The following ALDH1L1 variants were observed in gnomAD, a reference collection of about 807,000 sequenced individuals.
ALDH1L1 encodes the protein aldehyde dehydrogenase 1 family member L1, also known as cytosolic 10-formyltetrahydrofolate dehydrogenase.
In ALDH1L1, 68 loss-of-function variants were observed where a neutral mutation model predicts 101.1. The observed-to-expected ratio is 0.67, with a 90% CI of 0.55 to 0.82. The LOEUF (loss-of-function observed/expected upper bound fraction) is 0.82, where lower values mean the gene tolerates loss of function less well. ALDH1L1 is among the 40% of genes least tolerant of loss of function. The pLI, the probability that ALDH1L1 is intolerant of heterozygous loss-of-function variation, is 0.00. For missense variants in ALDH1L1, 1,087 were observed against 1,172.7 expected (o/e 0.93, Z 1.07); for synonymous variants, 486 against 470.8 (o/e 1.03, Z -0.42).
chr3:126,160,843 G>A lies in ALDH1L1; in HGVS notation c.127+10C>T. 6.2e-7 allele frequency: 1 copy of A among 1,613,092 alleles called. No individual in the cohort carries two copies. Among genetic ancestry groups the A allele is most frequent in the Non-Finnish European group, 8.5e-7 (1 of 1,179,378 alleles). On this transcript the variant is annotated intron_variant, in intron 2 of 22. Transcript: ENST00000393434. ...CTCCATCAGCTTCCCTGCTCCATTGGCTCACTCACCCAGGGGGTCGGCCTT... is the reference window on the plus strand; with the variant it reads ...CTCCATCAGCTTCCCTGCTCCATTGACTCACTCACCCAGGGGGTCGGCCTT...
intron 20 of ALDH1L1, among the ~76,000 whole-genome samples, chr3:126,109,157 C>A (rs1171668521): frequency 6.6e-6 from 1 of 152,192 alleles, no homozygotes; most frequent in Non-Finnish European, 1.5e-5. Flanking sequence ...CTCCTTCATG[C>A]CATCAAATTA....
chr3:126,130,392 A>G, intron 13 of ALDH1L1, 99 bp from the exon 14 acceptor site: 1 of 1,165,612 alleles, frequency 8.6e-7, no homozygotes, highest in Non-Finnish European at 1.2e-6. Context: ...AGGAAGTCAA[A>G]GCGACCAGCT....
intron 8 of ALDH1L1, 106 bp downstream of exon 8, chr3:126,150,300 C>T (rs1237927732): frequency 1.6e-5 from 24 of 1,461,002 alleles, no homozygotes; most frequent in Non-Finnish European, 2.2e-5. Flanking sequence ...AAAACAGACA[C>T]CCACAGAGGG....
Position 126,114,675 on chromosome 3 carries a change from TG to T in ALDH1L1, c.1983-20del. ...GGCACAGCTGCAAGGAACAGAGGGC[TG>T]GTGGGGCCGGTCCCTCCAGGGCAGG... On this transcript the variant is annotated intron_variant, in intron 17 of 22. Coordinates refer to ENST00000393434, the MANE Select transcript of ALDH1L1 (RefSeq NM_012190.4). 6.5e-7 allele frequency: 1 copy of T among 1,547,200 alleles called. No homozygotes were observed. The highest frequency in any genetic ancestry group is 8.7e-7 in the Non-Finnish European group (1 of 1,145,138).
At position 126,114,614 on chromosome 3, in the gene ALDH1L1, G is replaced by C. The variant is rs374944589; in HGVS notation, c.2025C>G (p.Gly675=). The change falls in exon 18 of 23, where the codon GGC becomes GGG. Residue 675 remains glycine (G), a synonymous_variant. Coordinates refer to ENST00000393434, the MANE Select transcript of ALDH1L1 (RefSeq NM_012190.4). ...SNVKKVSLEL[G]GKSPLIIFAD... ...CAAAGATGATGAGGGGTGACTTCCC[G>C]CCCAGTTCCAGGGACACCTTCTTCA... is the stretch of plus-strand genomic sequence containing the variant. 1 of 1,515,314 alleles carries C rather than the reference G, an allele frequency of 6.6e-7. No homozygotes were observed. The highest frequency in any genetic ancestry group is 8.8e-7 in the Non-Finnish European group (1 of 1,131,380). The allele number at this position is 1,515,314 out of a possible 1,614,324, so 93.9% of individuals were successfully genotyped here. A position where few individuals can be genotyped will look rare whatever the true frequency, so the allele number is the denominator to read the frequency against.
chr3:126,113,393 G>A, intron 18 of ALDH1L1, among the ~76,000 whole-genome samples: 1 of 152,176 alleles, frequency 6.6e-6, no homozygotes, highest in Admixed American at 6.5e-5. Flanking sequence ...GGGCAGCCCT[G>A]GCCCAGGGAA....
chr3:126,153,332 G>A (rs2080842099), intron 7 of ALDH1L1, 112 bp downstream of exon 7: 1 of 1,543,370 alleles, frequency 6.5e-7, no homozygotes, highest in Non-Finnish European at 8.8e-7. Flanking sequence ...TCCTGGGTCT[G>A]GTTTTTTCCA....
chr3:126,136,823 C>A lies in ALDH1L1; in HGVS notation c.1285G>T (p.Glu429Ter), dbSNP rs767602691. The stretch of plus-strand genomic sequence containing the variant: ...TTGGCGCCCTCGGCATCCACGAACT[C>A]CCCCCCAATGAAGAGCTGGTGGGGC... ...RMPHQLFIGGEFVDAEGAKTS... is the reference protein window; with the variant it reads ...RMPHQLFIGG Residue 429 changes from glutamate (E) to a stop codon, truncating the protein, a stop_gained, in exon 11 of 23, where the codon GAG becomes TAG. Coordinates refer to ENST00000393434, the MANE Select transcript of ALDH1L1 (RefSeq NM_012190.4). LOFTEE classifies it high-confidence loss of function. The A allele has an allele frequency of 8.7e-6, 14 of 1,608,000 alleles. No individual in the cohort carries two copies. The highest frequency in any genetic ancestry group is 1.3e-5 in the African/African-American group (1 of 74,790).
intron 1 of ALDH1L1, among the ~76,000 whole-genome samples, chr3:126,189,040 C>T (rs2081537321): frequency 6.6e-6 from 1 of 152,136 alleles, no homozygotes; most frequent in Non-Finnish European, 1.5e-5. Context: ...GCTGATAAGC[C>T]ATCTCGCATC....
At chr3:126,180,402 A>C (rs934746004) in intron 1 of ALDH1L1, 74 bp downstream of exon 1, 1 of 967,684 alleles carries the variant, frequency 1.0e-6, no homozygotes, top group South Asian at 4.8e-5. Flanking sequence ...GAGCCCCCGG[A>C]GCCCCCGGAG....
chr3:126,161,299 T>C (rs978641201), intron 1 of ALDH1L1, among the ~76,000 whole-genome samples: 8 of 152,258 alleles, frequency 5.3e-5, no homozygotes, highest in African/African-American at 1.7e-4. Flanking sequence ...TGGCATGGAA[T>C]GTTGGGTGTC....
At chr3:126,192,739 A>C (rs1291281435) in intron 1 of ALDH1L1, among the ~76,000 whole-genome samples, 1 of 152,206 alleles carries the variant, frequency 6.6e-6, no homozygotes, top group Non-Finnish European at 1.5e-5. Context: ...CCCACCACAG[A>C]AATGACCTTT....
chr3:126,119,530 C>T (rs922176997), intron 16 of ALDH1L1, among the ~76,000 whole-genome samples: 5 of 152,256 alleles, frequency 3.3e-5, no homozygotes, highest in African/African-American at 1.2e-4. Context: ...CATCTTCCAC[C>T]ACTCCCCTGC....
intron 9 of ALDH1L1, among the ~76,000 whole-genome samples, chr3:126,140,576 A>G (rs1322976684): frequency 6.6e-6 from 1 of 152,108 alleles, no homozygotes; most frequent in Non-Finnish European, 1.5e-5. Flanking sequence ...CAAGTGCATA[A>G]AACAATAATT....
chr3:126,130,347 C>G lies in ALDH1L1; in HGVS notation c.1624-54G>C, dbSNP rs373536181. On this transcript the variant is annotated intron_variant, in intron 13 of 22. Transcript: ENST00000393434. ...GGGGCCCAGGGTCCACACCCCTTCC[C>G]CTCTAGGCAGCAAGTCTCCACCAGG... 933 of 1,480,564 alleles carry G rather than the reference C, an allele frequency of 6.3e-4. 7 individuals carry two copies. In the African/African-American group the frequency reaches 0.012, roughly 19 times the overall value. 91.7% of individuals were successfully genotyped at this position (1,480,564 alleles called of 1,614,324 possible).
At chr3:126,171,064 C>G (rs1213675800) in intron 1 of ALDH1L1, among the ~76,000 whole-genome samples, 1 of 152,104 alleles carries the variant, frequency 6.6e-6, no homozygotes, top group Non-Finnish European at 1.5e-5. Flanking sequence ...TTTGGGAGGC[C>G]GAGGCGGGCG....
chr3:126,130,595 T>C (rs2080281065), intron 13 of ALDH1L1, among the ~76,000 whole-genome samples: 1 of 152,178 alleles, frequency 6.6e-6, no homozygotes, highest in South Asian at 2.1e-4. Context: ...TCCCCACAGC[T>C]CTAAGCAGTT....
intron 14 of ALDH1L1, among the ~76,000 whole-genome samples, chr3:126,126,776 C>T (rs1407193946): frequency 6.6e-6 from 1 of 152,210 alleles, no homozygotes; most frequent in Non-Finnish European, 1.5e-5. Flanking sequence ...CCCTAATCTC[C>T]AGAGTCTAAT....
At chr3:126,109,519 G>T (rs1005459513) in intron 20 of ALDH1L1, among the ~76,000 whole-genome samples, 13 of 152,094 alleles carry the variant, frequency 8.5e-5, no homozygotes, top group African/African-American at 3.1e-4. Flanking sequence ...GAGATCCTGC[G>T]GGCAAAAAGT....
Sources: allele counts gnomAD v4.1 joint callset (sites outside exome capture counted in the v4.1 genomes callset), GRCh38; gene constraint gnomAD v4.1.1; transcripts MANE v1.5; gene names NCBI Gene and HGNC (gene_info 2026-07-23, HGNC 2026-07-21).